Variants in EPC2 observed in about 807,000 individuals in gnomAD.
EPC2 encodes the protein enhancer of polycomb 2.
Under a neutral mutation model 92.1 loss-of-function variants are expected in EPC2, and 14 were observed. The observed-to-expected ratio is 0.15, with a 90% confidence interval of 0.10 to 0.24. The LOEUF is 0.24. Ranked by LOEUF, EPC2 falls within the 10% of genes least tolerant of loss-of-function variation. The pLI, the probability that EPC2 is intolerant of heterozygous loss-of-function variation, is 1.00. For missense variants in EPC2, 755 were observed against 971.5 expected (o/e 0.78, Z 2.96); for synonymous variants, 340 against 334.7 (o/e 1.02, Z -0.17).
At chr2:148,659,392 T>C (rs1027126958) in intron 1 of EPC2, among the ~76,000 whole-genome samples, 4 of 152,144 alleles carry the variant, frequency 2.6e-5, no homozygotes, top group African/African-American at 9.7e-5. Flanking sequence ...AAATAGTTAA[T>C]CTTCATTGCA....
chr2:148,698,771 AAAT>A (rs1362350139), intron 2 of EPC2, among the ~76,000 whole-genome samples: 2 of 148,806 alleles, frequency 1.3e-5, no homozygotes, highest in East Asian at 2.0e-4. Context: ...TTGTGGAAAA[AAAT>A]AATAATTCTG....
At position 148,729,068 on chromosome 2, in the gene EPC2, A is replaced by ATTG. The variant is rs1199368246; in HGVS notation, c.314-14551_314-14549dup. On this transcript the variant is annotated intron_variant, in intron 2 of 13. Transcript: ENST00000258484. ...AAAAAAAAAAAAAAAGCAAACTTGG[A>ATTG]TTGTTTTCTTTTTGTTACATATTAT... is the stretch of plus-strand genomic sequence containing the variant. Among the ~76,000 whole-genome samples, 25 of 135,918 alleles carry ATTG rather than the reference A, an allele frequency of 1.8e-4. 1 individual carries two copies. Among genetic ancestry groups the ATTG allele is most frequent in the South Asian group, 2.3e-4 (1 of 4,272 alleles). The allele number at this position is 135,918 out of a possible 152,430, so 89.2% of individuals were successfully genotyped here.
chr2:148,662,671 G>T (rs1031279344), intron 1 of EPC2, among the ~76,000 whole-genome samples: 2 of 151,952 alleles, frequency 1.3e-5, no homozygotes, highest in Non-Finnish European at 2.9e-5. Flanking sequence ...CTGTTGTGGG[G>T]TGGGGGGAGG....
rs577137843 is a variant in EPC2, at chr2:148,707,417, C to T, written c.313+17044C>T. On this transcript the variant is annotated intron_variant, in intron 2 of 13. Coordinates refer to ENST00000258484, the MANE Select transcript of EPC2 (RefSeq NM_015630.4). ...AATAATGGGAGACTTTAACACCCCACTGTCAACATTAGACAAATCAACAAG... is the reference window on the plus strand; with the variant it reads ...AATAATGGGAGACTTTAACACCCCATTGTCAACATTAGACAAATCAACAAG... 4.6e-5 allele frequency among the ~76,000 whole-genome samples: 7 copies of T among 152,316 alleles called. No homozygotes were observed. In the South Asian group the frequency reaches 1.5e-3, roughly 32 times the overall value.
At chr2:148,758,822 T>C (rs1458918936) in intron 4 of EPC2, among the ~76,000 whole-genome samples, 8 of 152,288 alleles carry the variant, frequency 5.3e-5, no homozygotes, top group Admixed American at 2.6e-4. Context: ...ACTCCTAATA[T>C]GACATGAGAA....
At chr2:148,764,033 T>C (rs1034410370) in intron 6 of EPC2, among the ~76,000 whole-genome samples, 1 of 152,246 alleles carries the variant, frequency 6.6e-6, no homozygotes, top group African/African-American at 2.4e-5. Context: ...TTGTCATGTA[T>C]CCCACTTTAA....
At chr2:148,686,080 G>A (rs1371220417) in intron 1 of EPC2, among the ~76,000 whole-genome samples, 1 of 152,276 alleles carries the variant, frequency 6.6e-6, no homozygotes. Flanking sequence ...ATTTGTTGTA[G>A]CATGTGATGC....
At chr2:148,727,529 CAT>C (rs1317844751) in intron 2 of EPC2, among the ~76,000 whole-genome samples, 29 of 152,078 alleles carry the variant, frequency 1.9e-4, no homozygotes, top group African/African-American at 6.0e-4. Context: ...CTTTCTATGA[CAT>C]ATTTATTATT....
intron 1 of EPC2, among the ~76,000 whole-genome samples, chr2:148,658,605 G>GTATATATA (rs1410626325): frequency 5.3e-4 from 11 of 20,702 alleles, no homozygotes; most frequent in Non-Finnish European, 3.3e-3. Context: ...GTGTGTGTGT[G>GTATATATA]TGTATATATA....
chr2:148,754,047 A>G lies in EPC2; in HGVS notation c.580A>G (p.Ile194Val). 6.2e-7 allele frequency: 1 copy of G among 1,611,508 alleles called. No homozygotes were observed. Among genetic ancestry groups the G allele is most frequent in the Non-Finnish European group, 8.5e-7 (1 of 1,178,810 alleles). The change falls in exon 4 of 14, where the codon ATA (isoleucine) becomes GTA (valine). Residue 194 changes from isoleucine (I) to valine (V), a missense_variant. By Grantham distance (29) the Ile-to-Val change is conservative. Around this residue, in one of 4 missense-constraint regions of EPC2, gnomAD observed 509 missense variants for 607.7 expected, o/e 0.84. Transcript: ENST00000258484. ...NCRGPSLIPQ[I>V]KQEKRDGSTN... Reference sequence around the variant, plus strand: ...CAGGGGGCCATCCCTCATTCCTCAGATAAAACAAGAGAAAAGAGATGGCTC... The same window carrying G: ...CAGGGGGCCATCCCTCATTCCTCAGGTAAAACAAGAGAAAAGAGATGGCTC...
At chr2:148,745,789 G>A (rs78534503) in intron 3 of EPC2, among the ~76,000 whole-genome samples, 3,622 of 152,136 alleles carry the variant, frequency 0.024, 49 homozygotes, top group East Asian at 0.032. Context: ...ATAGTACTAG[G>A]TCCTGGGACA....
intron 2 of EPC2, among the ~76,000 whole-genome samples, chr2:148,729,668 G>GA (rs1166851554): frequency 3.9e-5 from 6 of 152,142 alleles, no homozygotes; most frequent in East Asian, 1.9e-4. Flanking sequence ...TGATGAATGA[G>GA]AAAAAACCTA....
chr2:148,655,161 AACAAGTTTATT>A (rs1428618554), intron 1 of EPC2, among the ~76,000 whole-genome samples: 11 of 152,222 alleles, frequency 7.2e-5, no homozygotes, highest in African/African-American at 2.7e-4. Context: ...TCACTGGCAA[AACAAGTTTATT>A]ACATCTATCT....
At chr2:148,746,115 G>C (rs1381282958) in intron 3 of EPC2, among the ~76,000 whole-genome samples, 1 of 151,782 alleles carries the variant, frequency 6.6e-6, no homozygotes, top group African/African-American at 2.4e-5. Context: ...GTAAACATCA[G>C]GGTTTCTTGA....
intron 1 of EPC2, among the ~76,000 whole-genome samples, chr2:148,645,851 T>C (rs528926638): frequency 4.8e-4 from 73 of 152,322 alleles, no homozygotes; most frequent in African/African-American, 1.7e-3. Flanking sequence ...CCGTGCTCCG[T>C]GCGCAACGTT....
chr2:148,752,618 T>C (rs2105415337), intron 3 of EPC2, among the ~76,000 whole-genome samples: 1 of 152,298 alleles, frequency 6.6e-6, no homozygotes, highest in South Asian at 2.1e-4. Context: ...ATGCACTAAA[T>C]GTAATTGTGA....
At chr2:148,700,356 A>G (rs976214040) in intron 2 of EPC2, among the ~76,000 whole-genome samples, 2 of 152,068 alleles carry the variant, frequency 1.3e-5, no homozygotes, top group African/African-American at 4.8e-5. Flanking sequence ...TGTAGACTGC[A>G]TTTTATATGT....
chr2:148,698,937 C>A (rs1342941048), intron 2 of EPC2, among the ~76,000 whole-genome samples: 1 of 150,254 alleles, frequency 6.7e-6, no homozygotes, highest in Non-Finnish European at 1.5e-5. Flanking sequence ...CCATTGTAAT[C>A]AAATAATTTT....
chr2:148,698,178 A>G (rs1248400796), intron 2 of EPC2, among the ~76,000 whole-genome samples: 2 of 152,214 alleles, frequency 1.3e-5, no homozygotes, highest in East Asian at 1.9e-4. Flanking sequence ...ATGATTTAGT[A>G]TTAAAAGAAT....
Sources: allele counts gnomAD v4.1 joint callset (sites outside exome capture counted in the v4.1 genomes callset), GRCh38; gene constraint gnomAD v4.1.1; regional missense constraint gnomAD v4.1.1; transcripts MANE v1.5; gene names NCBI Gene and HGNC (gene_info 2026-07-23, HGNC 2026-07-21).